Variants in LARP1B observed in about 807,000 individuals in gnomAD.
LARP1B encodes the protein la-related protein 1B.
LARP1B carries 76 observed loss-of-function variants against 114.2 expected under a neutral mutation model. That is an observed-to-expected ratio of 0.67 (90% CI 0.55 to 0.81). LARP1B has a LOEUF of 0.81. Ranked by LOEUF, LARP1B falls within the 30% of genes least tolerant of loss-of-function variation. LARP1B has a pLI of 0.00. For synonymous variants in LARP1B, 345 were observed against 348.0 expected (o/e 0.99, Z 0.10); for missense variants, 1,014 against 1,075.8 (o/e 0.94, Z 0.80).
intron 11 of LARP1B, among the ~76,000 whole-genome samples, chr4:128,134,720 T>C (rs1792712397): frequency 6.6e-6 from 1 of 152,206 alleles, no homozygotes; most frequent in South Asian, 2.1e-4. Flanking sequence ...CCTGAGTATA[T>C]AAAGAACTCC....
At chr4:128,191,508 T>C (rs919672644) in intron 15 of LARP1B, among the ~76,000 whole-genome samples, 4 of 152,270 alleles carry the variant, frequency 2.6e-5, no homozygotes, top group African/African-American at 9.6e-5. Flanking sequence ...AAGTTTGCCT[T>C]GGCTCTCACA....
intron 16 of LARP1B, among the ~76,000 whole-genome samples, chr4:128,199,958 C>T (rs1372248780): frequency 2.6e-5 from 4 of 151,952 alleles, no homozygotes; most frequent in South Asian, 4.2e-4. Flanking sequence ...TGATGGCAGG[C>T]GCCTGTAATC....
At chr4:128,073,631 C>A (rs1417246267) in intron 1 of LARP1B, among the ~76,000 whole-genome samples, 4 of 96,488 alleles carry the variant, frequency 4.1e-5, no homozygotes, top group Non-Finnish European at 5.6e-5. Context: ...AGCTCTGTCG[C>A]CCCAGCTGGA....
At chr4:128,123,735 A>G (rs1006917969) in intron 11 of LARP1B, 1 of 973,614 alleles carries the variant, frequency 1.0e-6, no homozygotes, top group Non-Finnish European at 1.2e-6. Flanking sequence ...ATTGTGTATA[A>G]TATTTGTTCT....
intron 18 of LARP1B, 83 bp from the exon 19 acceptor site, chr4:128,207,173 T>G: frequency 1.6e-6 from 1 of 608,016 alleles, no homozygotes; most frequent in Non-Finnish European, 2.5e-6. Flanking sequence ...GATAAATTGT[T>G]TATTGCTGAT....
At chr4:128,070,749 G>T (rs1027809360) in intron 1 of LARP1B, among the ~76,000 whole-genome samples, 8 of 151,746 alleles carry the variant, frequency 5.3e-5, no homozygotes, top group Non-Finnish European at 8.8e-5. Context: ...GGGGTTTGAG[G>T]ACAGGAATTT....
At chr4:128,062,724 T>C (rs1349888771) in intron 1 of LARP1B, among the ~76,000 whole-genome samples, 1 of 145,524 alleles carries the variant, frequency 6.9e-6, no homozygotes, top group Non-Finnish European at 1.5e-5. Flanking sequence ...TGCTGAGCAG[T>C]CATATTAAAA....
chr4:128,168,772 T>C (rs1057028667), intron 12 of LARP1B, among the ~76,000 whole-genome samples: 12 of 152,128 alleles, frequency 7.9e-5, no homozygotes, highest in Non-Finnish European at 1.8e-4. Flanking sequence ...AATATTGTTT[T>C]TTTTTTTCAT....
intron 9 of LARP1B, among the ~76,000 whole-genome samples, chr4:128,110,170 A>T (rs1399773399): frequency 6.6e-6 from 1 of 152,098 alleles, no homozygotes; most frequent in Non-Finnish European, 1.5e-5. Context: ...CTAAAATGGG[A>T]TTACAGGCGT....
chr4:128,192,348 C>T (rs1752565806), intron 15 of LARP1B, among the ~76,000 whole-genome samples: 1 of 152,070 alleles, frequency 6.6e-6, no homozygotes, highest in Non-Finnish European at 1.5e-5. Context: ...CCATATAATT[C>T]AGCTGTTCCT....
At chr4:128,137,792 T>TATATATATA (rs1491094237) in intron 11 of LARP1B, among the ~76,000 whole-genome samples, 3 of 47,310 alleles carry the variant, frequency 6.3e-5, no homozygotes, top group African/African-American at 1.5e-4. Flanking sequence ...TATATATATA[T>TATATATATA]TTTTTTTTTA....
At chr4:128,136,748 A>G (rs1725491477) in intron 11 of LARP1B, among the ~76,000 whole-genome samples, 1 of 152,166 alleles carries the variant, frequency 6.6e-6, no homozygotes, top group Admixed American at 6.5e-5. Context: ...GTGGAATTAA[A>G]CTGGTGATTT....
At chr4:128,219,125 C>A (rs1759769951) in intron 6 of LARP1B, among the ~76,000 whole-genome samples, 1 of 151,214 alleles carries the variant, frequency 6.6e-6, no homozygotes, top group Non-Finnish European at 1.5e-5. Context: ...GAATGGCAAT[C>A]ATTCAAAAGT....
intron 17 of LARP1B, among the ~76,000 whole-genome samples, chr4:128,204,328 A>G (rs12502412): frequency 0.17 from 25,748 of 152,110 alleles, 2,774 homozygotes; most frequent in Middle Eastern, 0.29. Context: ...TAGGGTGACT[A>G]TAGTCAATGG....
intron 8 of LARP1B, among the ~76,000 whole-genome samples, chr4:128,106,902 C>T (rs6839370): frequency 6.6e-6 from 1 of 151,852 alleles, no homozygotes; most frequent in African/African-American, 2.4e-5. Flanking sequence ...AATGACTGTT[C>T]TAATTGTGAA....
intron 15 of LARP1B, among the ~76,000 whole-genome samples, chr4:128,184,232 A>G (rs1353309989): frequency 6.6e-6 from 1 of 152,182 alleles, no homozygotes; most frequent in African/African-American, 2.4e-5. Flanking sequence ...AAACTTGGGA[A>G]CAGAAGAGTC....
rs541793347 is a variant in LARP1B at position 128,096,708 on chromosome 4, C to T, written c.669-1478C>T. Among the ~76,000 whole-genome samples the T allele has an allele frequency of 6.6e-5, 10 of 151,998 alleles. No individual in the cohort carries two copies. In the South Asian group the frequency reaches 1.9e-3, roughly 28 times the overall value. On this transcript the variant is annotated intron_variant, in intron 7 of 19. Coordinates refer to ENST00000326639, the MANE Select transcript of LARP1B (RefSeq NM_018078.4). The stretch of plus-strand genomic sequence containing the variant: ...CTCCGCCTCCCAGGTTCACGCCATT[C>T]TCCTGCCTCAACCTCCCGAGTAGCT...
At chr4:128,196,308 A>C (rs1359483929) in intron 15 of LARP1B, among the ~76,000 whole-genome samples, 3 of 150,806 alleles carry the variant, frequency 2.0e-5, no homozygotes, top group South Asian at 4.2e-4. Context: ...AAAAAAACCC[A>C]AAAATTAACA....
intron 11 of LARP1B, among the ~76,000 whole-genome samples, chr4:128,134,797 A>G (rs938788517): frequency 6.6e-6 from 1 of 151,838 alleles, no homozygotes; most frequent in African/African-American, 2.4e-5. Flanking sequence ...ATAGTTCTCT[A>G]AAGGTGATAT....
Sources: allele counts gnomAD v4.1 joint callset (sites outside exome capture counted in the v4.1 genomes callset), GRCh38; gene constraint gnomAD v4.1.1; transcripts MANE v1.5; gene names NCBI Gene and HGNC (gene_info 2026-07-23, HGNC 2026-07-21).